The following SNTG2 variants were observed in gnomAD, a reference collection of about 807,000 sequenced individuals.
The protein encoded by SNTG2 is gamma-2-syntrophin.
A neutral mutation model predicts 70.9 loss-of-function variants in SNTG2; 74 were observed. The observed-to-expected ratio is 1.04, with a 90% CI of 0.86 to 1.27. SNTG2 has a LOEUF of 1.27. SNTG2 is among the 50% of genes most tolerant of loss of function. The pLI, the probability that SNTG2 is intolerant of heterozygous loss-of-function variation, is 0.00. For synonymous variants in SNTG2, 278 were observed against 273.8 expected, an observed-to-expected ratio of 1.02 and a Z score of -0.15; for missense variants, 717 against 690.7, an observed-to-expected ratio of 1.04 and a Z score of -0.43.
chr2:1,041,845 G>A (rs544178535), intron 1 of SNTG2, among the ~76,000 whole-genome samples: 18 of 152,232 alleles, frequency 1.2e-4, no homozygotes, highest in African/African-American at 3.4e-4. Flanking sequence ...CACACTAGCC[G>A]TCAGCAATAC....
chr2:1,352,486 T>G (rs982460984), intron 16 of SNTG2, among the ~76,000 whole-genome samples: 5 of 152,208 alleles, frequency 3.3e-5, no homozygotes, highest in African/African-American at 1.2e-4. Context: ...GTGTCAGGTT[T>G]GAGCACACAG....
chr2:1,217,444 T>G (rs1194407967), intron 9 of SNTG2, among the ~76,000 whole-genome samples: 1 of 152,138 alleles, frequency 6.6e-6, no homozygotes, highest in Non-Finnish European at 1.5e-5. Flanking sequence ...GGGAGAATAT[T>G]GAGATGAAAC....
chr2:1,304,226 T>G (rs1454203530), intron 14 of SNTG2, among the ~76,000 whole-genome samples: 2 of 152,236 alleles, frequency 1.3e-5, no homozygotes, highest in Admixed American at 6.5e-5. Context: ...GCGTGGCAGA[T>G]GCACGCCTGC....
chr2:1,091,836 G>C (rs937198924), intron 2 of SNTG2, among the ~76,000 whole-genome samples: 1 of 152,202 alleles, frequency 6.6e-6, no homozygotes, highest in African/African-American at 2.4e-5. Context: ...ATGCACAAGA[G>C]TTTTCAAGTA....
At chr2:1,085,210 C>A (rs4971433) in intron 2 of SNTG2, among the ~76,000 whole-genome samples, 1 of 152,126 alleles carries the variant, frequency 6.6e-6, no homozygotes, top group Admixed American at 6.5e-5. Flanking sequence ...ATCAAGGAAG[C>A]TTTCGTAATC....
chr2:1,072,313 T>G (rs1232562986), intron 1 of SNTG2, among the ~76,000 whole-genome samples: 1 of 97,192 alleles, frequency 1.0e-5, no homozygotes, highest in Non-Finnish European at 1.9e-5. Flanking sequence ...TTAAAGCCAG[T>G]GATTTTCTTT....
rs539777838 is a variant in SNTG2, at chr2:987,403, C to A, written c.72+36335C>A. On this transcript the variant is annotated intron_variant, in intron 1 of 16. Transcript: ENST00000308624. ...TTCCGCAGAGGTGGGTCTGTGAAGT[C>A]TCCTGGGGTGGAGACCTTCTGGGAT... 7.7e-4 allele frequency among the ~76,000 whole-genome samples: 117 copies of A among 152,196 alleles called. No individual in the cohort carries two copies. The Middle Eastern group carries it at 0.01, about 13-fold the overall frequency.
chr2:1,347,657 CA>C (rs1660366032), intron 16 of SNTG2, among the ~76,000 whole-genome samples: 1 of 152,190 alleles, frequency 6.6e-6, no homozygotes, highest in African/African-American at 2.4e-5. Flanking sequence ...CATGTGAGTT[CA>C]GCATTAAGGG....
intron 1 of SNTG2, among the ~76,000 whole-genome samples, chr2:1,062,881 C>G (rs965215821): frequency 6.6e-6 from 1 of 152,162 alleles, no homozygotes; most frequent in African/African-American, 2.4e-5. Flanking sequence ...CACTCACAAA[C>G]CCATATATAT....
chr2:1,106,065 A>G (rs1666113872), intron 4 of SNTG2, among the ~76,000 whole-genome samples: 1 of 147,764 alleles, frequency 6.8e-6, no homozygotes. Context: ...GCTCCTTGGT[A>G]ATAGTGGACA....
intron 14 of SNTG2, among the ~76,000 whole-genome samples, chr2:1,296,107 G>GCCCT (rs1358716628): frequency 1.3e-5 from 2 of 152,288 alleles, no homozygotes; most frequent in East Asian, 3.9e-4. Flanking sequence ...AGAAGGCTGA[G>GCCCT]TCTCCTGTGT....
At chr2:1,033,740 T>C (rs1015461022) in intron 1 of SNTG2, among the ~76,000 whole-genome samples, 6 of 152,146 alleles carry the variant, frequency 3.9e-5, no homozygotes, top group African/African-American at 1.4e-4. Context: ...AGGCTTCTCA[T>C]ACCCAAGATT....
intron 1 of SNTG2, among the ~76,000 whole-genome samples, chr2:954,269 C>T (rs1354468131): frequency 3.9e-5 from 6 of 152,180 alleles, no homozygotes; most frequent in Non-Finnish European, 8.8e-5. Flanking sequence ...CGGGAACCAC[C>T]ATCCTCTCTG....
intron 6 of SNTG2, among the ~76,000 whole-genome samples, chr2:1,165,198 A>ACTTTT (rs1171187295): frequency 6.6e-6 from 1 of 152,202 alleles, no homozygotes; most frequent in Non-Finnish European, 1.5e-5. Context: ...CAGTGACTGA[A>ACTTTT]CACAGGCTGT....
intron 1 of SNTG2, among the ~76,000 whole-genome samples, chr2:1,045,538 C>A (rs1344942219): frequency 6.6e-6 from 1 of 152,076 alleles, no homozygotes; most frequent in Admixed American, 6.5e-5. Context: ...CTTTCCTCTT[C>A]ACACTGCTTT....
At chr2:1,269,834 A>G (rs973862210) in intron 14 of SNTG2, among the ~76,000 whole-genome samples, 17 of 152,138 alleles carry the variant, frequency 1.1e-4, no homozygotes, top group African/African-American at 3.6e-4. Context: ...AATGGAGGCA[A>G]TGAGGGTGTT....
intron 1 of SNTG2, among the ~76,000 whole-genome samples, chr2:1,032,274 G>C (rs546936717): frequency 6.6e-6 from 1 of 152,030 alleles, no homozygotes; most frequent in Non-Finnish European, 1.5e-5. Flanking sequence ...AAATAAGTAG[G>C]CCAGATTACA....
intron 4 of SNTG2, among the ~76,000 whole-genome samples, chr2:1,124,443 C>T (rs764399016): frequency 1.7e-4 from 26 of 151,946 alleles, no homozygotes; most frequent in African/African-American, 4.6e-4. Context: ...TACAGGTGCT[C>T]GCCACCACGC....
In SNTG2 at chr2:996,030, G is replaced by C. The variant is rs573730206; in HGVS notation, c.72+44962G>C. On this transcript the variant is annotated intron_variant, in intron 1 of 16. Coordinates refer to ENST00000308624, the MANE Select transcript of SNTG2 (RefSeq NM_018968.4). The stretch of plus-strand genomic sequence containing the variant: ...TAGTGGAAGTTATTTTTTTGTTGTT[G>C]TTTGCCTTGTAATGAGGAAACACTT... Among the ~76,000 whole-genome samples the C allele has an allele frequency of 3.3e-5, 5 of 152,128 alleles. No individual in the cohort carries two copies. The South Asian group carries it at 8.3e-4, about 25-fold the overall frequency.
Sources: gnomAD v4.1 joint callset for allele counts (sites outside exome capture counted in the v4.1 genomes callset) on GRCh38, gnomAD v4.1.1 for gene constraint, MANE v1.5 for transcripts, NCBI Gene and HGNC (gene_info 2026-07-23, HGNC 2026-07-21) for gene names.